EPB41L2: variants seen among roughly 807,000 people sequenced by gnomAD.
EPB41L2 encodes the protein band 4.1-like protein 2.
A neutral mutation model predicts 113.0 loss-of-function variants in EPB41L2; 43 were observed. The ratio of observed to expected loss-of-function variants is 0.38; its 90% CI spans 0.30 to 0.49. The LOEUF (loss-of-function observed/expected upper bound fraction) is 0.49, where lower values mean the gene tolerates loss of function less well. Among genes scored for constraint, EPB41L2 ranks in the 20% least tolerant of loss-of-function variants. The probability of loss-of-function intolerance (pLI) is 0.95; values close to 1 mark genes in which losing one functional copy is unlikely to be tolerated. For synonymous variants in EPB41L2, 442 were observed against 436.7 expected, an observed-to-expected ratio of 1.01 and a Z score of -0.15; for missense variants, 1,147 against 1,223.4, an observed-to-expected ratio of 0.94 and a Z score of 0.93.
At chr6:130,907,521 T>G (rs1400448292) in intron 5 of EPB41L2, among the ~76,000 whole-genome samples, 4 of 152,164 alleles carry the variant, frequency 2.6e-5, no homozygotes, top group African/African-American at 9.6e-5. Context: ...GCTTTAGCAC[T>G]TAAAGTCTCA....
chr6:130,910,145 T>A (rs1033826304), intron 4 of EPB41L2, among the ~76,000 whole-genome samples: 1 of 152,142 alleles, frequency 6.6e-6, no homozygotes, highest in African/African-American at 2.4e-5. Flanking sequence ...AAGGCTACAG[T>A]AACCAAAACA....
chr6:130,916,101 C>T (rs1370148422), intron 4 of EPB41L2, among the ~76,000 whole-genome samples: 3 of 152,144 alleles, frequency 2.0e-5, no homozygotes, highest in African/African-American at 7.2e-5. Context: ...AAACACTGTT[C>T]TGAGAAGCAG....
intron 1 of EPB41L2, among the ~76,000 whole-genome samples, chr6:131,018,255 A>G (rs1489452976): frequency 6.6e-6 from 1 of 152,124 alleles, no homozygotes; most frequent in African/African-American, 2.4e-5. Context: ...AGCTCTAAAC[A>G]TTATGTCCAC....
chr6:131,006,667 CA>C (rs10709651), intron 1 of EPB41L2, among the ~76,000 whole-genome samples: 64,764 of 140,712 alleles, frequency 0.46, 14,685 homozygotes, highest in East Asian at 0.79. Flanking sequence ...GACTCTATCT[CA>C]AAAAAAAAAA....
intron 1 of EPB41L2, among the ~76,000 whole-genome samples, chr6:131,057,497 G>A (rs1360804445): frequency 2.6e-5 from 4 of 152,176 alleles, no homozygotes; most frequent in Non-Finnish European, 4.4e-5. Flanking sequence ...TCAAGCTACT[G>A]GGATATGTAC....
At chr6:131,059,727 C>A (rs1195567102) in intron 1 of EPB41L2, among the ~76,000 whole-genome samples, 1 of 152,066 alleles carries the variant, frequency 6.6e-6, no homozygotes, top group East Asian at 1.9e-4. Flanking sequence ...ACGGTTCAGC[C>A]CTGAGATTCC....
chr6:131,051,392 A>G (rs1296074560), intron 1 of EPB41L2, among the ~76,000 whole-genome samples: 1 of 150,614 alleles, frequency 6.6e-6, no homozygotes, highest in African/African-American at 2.4e-5. Flanking sequence ...TCCTCCCACA[A>G]CCACACTAAA....
At chr6:131,032,960 C>T (rs572812317) in intron 1 of EPB41L2, among the ~76,000 whole-genome samples, 2 of 152,180 alleles carry the variant, frequency 1.3e-5, no homozygotes, top group Non-Finnish European at 2.9e-5. Flanking sequence ...ACTGCAACCT[C>T]TGTCACCCGG....
chr6:130,856,379 G>A (rs1042321429), intron 19 of EPB41L2, among the ~76,000 whole-genome samples: 2 of 152,162 alleles, frequency 1.3e-5, no homozygotes, highest in Non-Finnish European at 2.9e-5. Flanking sequence ...AAGAAAGAAT[G>A]AAAGCAAAAG....
At chr6:130,878,564 T>C (rs1562371438) in intron 13 of EPB41L2, 1 of 219,754 alleles carries the variant, frequency 4.6e-6, no homozygotes. Context: ...ATGGAACTGA[T>C]CATCAAAATG....
At chr6:130,955,809 C>CT (rs928281659) in intron 2 of EPB41L2, among the ~76,000 whole-genome samples, 185 bp downstream of exon 2, 7 of 151,856 alleles carry the variant, frequency 4.6e-5, no homozygotes, top group East Asian at 1.9e-4. Flanking sequence ...ATATAGGGGA[C>CT]TTTTTTTTCA....
intron 4 of EPB41L2, among the ~76,000 whole-genome samples, chr6:130,917,175 T>C (rs1383013497): frequency 1.3e-5 from 2 of 152,232 alleles, no homozygotes; most frequent in Non-Finnish European, 2.9e-5. Flanking sequence ...GGGTGTGCAG[T>C]TGTCCACAGC....
chr6:130,931,604 G>A (rs750296171), intron 3 of EPB41L2, among the ~76,000 whole-genome samples: 3 of 151,896 alleles, frequency 2.0e-5, no homozygotes, highest in South Asian at 2.1e-4. Flanking sequence ...CGATTGGGTC[G>A]GCTCAGACAG....
At chr6:130,950,634 T>G (rs953077899) in intron 3 of EPB41L2, among the ~76,000 whole-genome samples, 2 of 152,180 alleles carry the variant, frequency 1.3e-5, no homozygotes, top group African/African-American at 4.8e-5. Flanking sequence ...CAACAGTAAT[T>G]TATCCAAGGC....
intron 17 of EPB41L2, among the ~76,000 whole-genome samples, chr6:130,864,695 A>G (rs548831158): frequency 6.6e-6 from 1 of 152,372 alleles, no homozygotes; most frequent in East Asian, 1.9e-4. Context: ...GCTTATCACT[A>G]TGCTTAATAA....
intron 14 of EPB41L2, among the ~76,000 whole-genome samples, chr6:130,873,655 G>A (rs1397523860): frequency 2.0e-5 from 3 of 152,074 alleles, no homozygotes; most frequent in Non-Finnish European, 4.4e-5. Context: ...TAGTAGAGAC[G>A]GGGTTTTGCC....
intron 1 of EPB41L2, among the ~76,000 whole-genome samples, chr6:130,997,026 T>C (rs1783292689): frequency 6.6e-6 from 1 of 152,250 alleles, no homozygotes; most frequent in African/African-American, 2.4e-5. Flanking sequence ...TTGTGCCATG[T>C]GGTATAGATT....
Position 130,867,444 on chromosome 6 carries a change from C to T in EPB41L2, c.2730+15G>A. 6.2e-7 allele frequency: 1 copy of T among 1,613,704 alleles called. No individual in the cohort carries two copies. ...AAAAAAGAGCTCGAACAGTCCAAGTCTAGAGCTTTTGTACCTGTGGAGACT... is the reference window on the plus strand; with the variant it reads ...AAAAAAGAGCTCGAACAGTCCAAGTTTAGAGCTTTTGTACCTGTGGAGACT... On this transcript the variant is annotated intron_variant, in intron 16 of 19. Coordinates refer to ENST00000337057, the MANE Select transcript of EPB41L2 (RefSeq NM_001431.4).
intron 3 of EPB41L2, among the ~76,000 whole-genome samples, chr6:130,930,452 T>C (rs1583570819): frequency 6.6e-6 from 1 of 152,140 alleles, no homozygotes; most frequent in Non-Finnish European, 1.5e-5. Flanking sequence ...ATTTCTTGAT[T>C]TGGAGTGCTC....
Sources: gnomAD v4.1 joint callset for allele counts (sites outside exome capture counted in the v4.1 genomes callset) on GRCh38, gnomAD v4.1.1 for gene constraint, MANE v1.5 for transcripts, NCBI Gene and HGNC (gene_info 2026-07-23, HGNC 2026-07-21) for gene names.